IGSF5: variants seen among roughly 807,000 people sequenced by gnomAD.
IGSF5 encodes immunoglobulin superfamily member 5, also known as immunoglobulin superfamily 5 like.
A neutral mutation model predicts 39.4 loss-of-function variants in IGSF5; 41 were observed. The observed-to-expected ratio is 1.04, with a 90% CI of 0.81 to 1.35. IGSF5 has a LOEUF of 1.35. IGSF5 is among the 40% of genes most tolerant of loss of function. IGSF5 has a pLI of 0.00. For synonymous variants in IGSF5, 183 were observed against 175.3 expected, an observed-to-expected ratio of 1.04 and a Z score of -0.34; for missense variants, 487 against 494.6, an observed-to-expected ratio of 0.98 and a Z score of 0.15.
chr21:39,773,072 C>T (rs941823029), intron 4 of IGSF5, among the ~76,000 whole-genome samples: 1 of 152,106 alleles, frequency 6.6e-6, no homozygotes, highest in African/African-American at 2.4e-5. Flanking sequence ...TATTTTATGA[C>T]CTATGTACTA....
intron 4 of IGSF5, among the ~76,000 whole-genome samples, chr21:39,772,424 G>A (rs1046590605): frequency 4.6e-5 from 7 of 152,180 alleles, no homozygotes; most frequent in Non-Finnish European, 4.4e-5. Flanking sequence ...AGGACCACAG[G>A]CTTGGTGGCT....
intron 2 of IGSF5, among the ~76,000 whole-genome samples, chr21:39,763,733 G>T (rs545637779): frequency 6.6e-6 from 1 of 152,186 alleles, no homozygotes; most frequent in East Asian, 1.9e-4. Flanking sequence ...TTGACCCGAG[G>T]TGGGAGTGCA....
intron 2 of IGSF5, among the ~76,000 whole-genome samples, chr21:39,761,953 C>G (rs531320949): frequency 2.0e-5 from 3 of 152,250 alleles, no homozygotes; most frequent in African/African-American, 7.2e-5. Flanking sequence ...CAGGTGTGAG[C>G]CACTGCATCC....
chr21:39,739,356 G>T, the IGSF5 span, among the ~76,000 whole-genome samples: 59 of 151,812 alleles, frequency 3.9e-4, no homozygotes, highest in Non-Finnish European at 2.5e-4. Flanking sequence ...TTGCTGGCTC[G>T]AATGCCTGGG....
At chr21:39,740,355 A>G (rs1456046656), upstream of IGSF5, among the ~76,000 whole-genome samples, 5 of 152,234 alleles carry the variant, frequency 3.3e-5, no homozygotes, top group Admixed American at 2.0e-4. Flanking sequence ...TGTACGGCCA[A>G]TAATAATTCC....
chr21:39,757,623 T>C (rs9980150), intron 2 of IGSF5, among the ~76,000 whole-genome samples: 121,804 of 149,156 alleles, frequency 0.82, 49,933 homozygotes, highest in Admixed American at 0.86. Flanking sequence ...GTCACCCAGG[T>C]TGGAGTGCAA....
intron 8 of IGSF5, among the ~76,000 whole-genome samples, chr21:39,795,428 A>G (rs1032412952): frequency 8.6e-5 from 13 of 152,018 alleles, no homozygotes; most frequent in African/African-American, 2.4e-4. Flanking sequence ...ATCTTTGTCT[A>G]TCAAGTGTGT....
the IGSF5 span, chr21:39,722,361 G>A: frequency 3.7e-4 from 56 of 152,322 alleles, 1 homozygote; most frequent in African/African-American, 1.1e-3. Flanking sequence ...TCTCTGCCCC[G>A]TTGAAGTAAG....
chr21:39,728,882 C>T, the IGSF5 span, among the ~76,000 whole-genome samples: 63 of 152,170 alleles, frequency 4.1e-4, 1 homozygote, highest in South Asian at 0.012. Flanking sequence ...GTGGTAGCTG[C>T]TATTATCCTA....
At chr21:39,796,524 G>T (rs2086996977) in intron 8 of IGSF5, among the ~76,000 whole-genome samples, 1 of 152,210 alleles carries the variant, frequency 6.6e-6, no homozygotes, top group African/African-American at 2.4e-5. Context: ...GAGCTATTCA[G>T]AGTCCCGTCT....
intron 2 of IGSF5, among the ~76,000 whole-genome samples, chr21:39,749,344 C>T (rs2079993254): frequency 6.6e-6 from 1 of 151,980 alleles, no homozygotes; most frequent in Non-Finnish European, 1.5e-5. Flanking sequence ...TCCCGAGTAG[C>T]TGGAATTACA....
intron 3 of IGSF5, among the ~76,000 whole-genome samples, chr21:39,770,325 T>C (rs1425057249): frequency 6.6e-6 from 1 of 152,194 alleles, no homozygotes; most frequent in Non-Finnish European, 1.5e-5. Flanking sequence ...GGGTTAGTTA[T>C]TTCTGTAAAT....
At chr21:39,713,245 C>A in the IGSF5 span, among the ~76,000 whole-genome samples, 77 of 152,248 alleles carry the variant, frequency 5.1e-4, no homozygotes, top group African/African-American at 1.8e-3. Context: ...TCTCGGACAC[C>A]TGCCACTGCA....
chr21:39,780,458 T>C (rs2080164614), intron 5 of IGSF5, among the ~76,000 whole-genome samples: 1 of 152,214 alleles, frequency 6.6e-6, no homozygotes, highest in Non-Finnish European at 1.5e-5. Context: ...ATATAGCTAT[T>C]ATAATGTCAT....
chr21:39,726,872 T>A, the IGSF5 span, among the ~76,000 whole-genome samples: 1 of 151,986 alleles, frequency 6.6e-6, no homozygotes, highest in Non-Finnish European at 1.5e-5. Flanking sequence ...GTGCCATGAA[T>A]GCATGACTGT....
At chr21:39,773,225 G>A (rs538044760) in intron 4 of IGSF5, among the ~76,000 whole-genome samples, 4 of 152,168 alleles carry the variant, frequency 2.6e-5, no homozygotes, top group East Asian at 1.9e-4. Flanking sequence ...GAGAACATGC[G>A]GTATTTGGTT....
chr21:39,801,788 G>A lies in IGSF5; in HGVS notation c.*431G>A, dbSNP rs533607935. On this transcript the variant is annotated 3_prime_UTR_variant, in exon 9 of 9. Coordinates refer to ENST00000380588, the MANE Select transcript of IGSF5 (RefSeq NM_001080444.2). Reference sequence around the variant, plus strand: ...TTATTACATATTATCAGTGAAATACGAGTATAAAAATTAGGGTCAACCAGA... The same window carrying A: ...TTATTACATATTATCAGTGAAATACAAGTATAAAAATTAGGGTCAACCAGA... 1.4e-4 allele frequency: 22 copies of A among 153,046 alleles called. No individual in the cohort carries two copies. In the South Asian group the frequency reaches 3.5e-3, roughly 24 times the overall value. The allele number at this position is 153,046 out of a possible 1,614,324, so 9.5% of individuals were successfully genotyped here.
At chr21:39,792,146 T>A (rs1480647290) in intron 7 of IGSF5, 47 bp downstream of exon 7, 1 of 1,312,402 alleles carries the variant, frequency 7.6e-7, no homozygotes, top group Non-Finnish European at 1.1e-6. Context: ...AAGAGAGAGC[T>A]GGAAGAAGGG....
the IGSF5 span, among the ~76,000 whole-genome samples, chr21:39,715,993 G>C: frequency 2.6e-5 from 4 of 152,166 alleles, no homozygotes; most frequent in African/African-American, 9.7e-5. Context: ...GTGCCACCTG[G>C]CGGTTACAAT....
Sources: gnomAD v4.1 joint callset for allele counts (sites outside exome capture counted in the v4.1 genomes callset) on GRCh38, gnomAD v4.1.1 for gene constraint, MANE v1.5 for transcripts, NCBI Gene and HGNC (gene_info 2026-07-23, HGNC 2026-07-21) for gene names.